The following OSBPL1A variants were observed in gnomAD, a reference collection of about 807,000 sequenced individuals.
OSBPL1A encodes oxysterol-binding protein-related protein 1.
OSBPL1A carries 80 observed loss-of-function variants against 137.1 expected under a neutral mutation model. That is an observed-to-expected ratio of 0.58 (90% CI 0.49 to 0.70). The LOEUF (loss-of-function observed/expected upper bound fraction) is 0.70. OSBPL1A is among the 30% of genes least tolerant of loss of function. OSBPL1A has a pLI of 0.00. For synonymous variants in OSBPL1A, 365 were observed against 389.7 expected (o/e 0.94, Z 0.75); for missense variants, 970 against 1,129.4 (o/e 0.86, Z 2.02).
intron 9 of OSBPL1A, 82 bp from the exon 10 acceptor site, chr18:24,317,482 A>C (rs1026818052): frequency 2.7e-6 from 3 of 1,104,146 alleles, no homozygotes; most frequent in Non-Finnish European, 4.2e-6. Context: ...TTAAGTGAGG[A>C]CAGTCATATT....
At chr18:24,245,027 T>C (rs2088839459) in intron 15 of OSBPL1A, among the ~76,000 whole-genome samples, 1 of 152,216 alleles carries the variant, frequency 6.6e-6, no homozygotes, top group Non-Finnish European at 1.5e-5. Context: ...GGATAAGCCT[T>C]ACTCTTTCCT....
At chr18:24,394,320 A>G (rs1032882609) in intron 1 of OSBPL1A, among the ~76,000 whole-genome samples, 7 of 152,226 alleles carry the variant, frequency 4.6e-5, no homozygotes, top group African/African-American at 1.7e-4. Flanking sequence ...TCGGTTGGAA[A>G]TTTTAATGTT....
At chr18:24,303,140 A>G (rs1227277022) in intron 14 of OSBPL1A, among the ~76,000 whole-genome samples, 2 of 152,128 alleles carry the variant, frequency 1.3e-5, no homozygotes, top group Non-Finnish European at 1.5e-5. Flanking sequence ...AGCTGGGATT[A>G]CAAGCACGTG....
At chr18:24,317,423 T>C in intron 9 of OSBPL1A, 23 bp from the exon 10 acceptor site, 3 of 1,578,282 alleles carry the variant, frequency 1.9e-6, no homozygotes, top group Non-Finnish European at 2.6e-6. Flanking sequence ...TAACAAAGAT[T>C]TCCCAAGCTG....
chr18:24,166,615 G>T lies in OSBPL1A; in HGVS notation c.2623C>A (p.Arg875=). 1 of 1,612,564 alleles carries T rather than the reference G, an allele frequency of 6.2e-7. No individual in the cohort carries two copies. Among genetic ancestry groups the T allele is most frequent in the Non-Finnish European group, 8.5e-7 (1 of 1,179,522 alleles). ...SVIPKTDCRL[R]PDIRAMENGE... is the part of the protein sequence containing the mutation. ...TTTTCCATGGCTCTGATGTCAGGCC[G>T]TAACCTGCAGTCTGTCTTGGGAATC... The change falls in exon 26 of 28, where the codon CGG becomes AGG. Residue 875 remains arginine (R), a synonymous_variant. Transcript: ENST00000319481.
Position 24,238,570 on chromosome 18 carries a change from T to C in OSBPL1A, c.1444+650A>G, listed in dbSNP as rs557329796. Among the ~76,000 whole-genome samples, 405 of 152,338 alleles carry C rather than the reference T, an allele frequency of 2.7e-3. 4 individuals carry two copies. The highest frequency in any genetic ancestry group is 9.5e-3 in the African/African-American group (393 of 41,566). Reference sequence around the variant, plus strand: ...TTAGTCATCACACGACCTATTGAAATGGACACTATAATTATCCCATTTTAA... The same window carrying C: ...TTAGTCATCACACGACCTATTGAAACGGACACTATAATTATCCCATTTTAA... On this transcript the variant is annotated intron_variant, in intron 16 of 27. Transcript: ENST00000319481.
At chr18:24,220,368 G>T (rs562350695) in intron 17 of OSBPL1A, among the ~76,000 whole-genome samples, 2 of 152,204 alleles carry the variant, frequency 1.3e-5, no homozygotes, top group South Asian at 4.1e-4. Context: ...GAAAGAGGTG[G>T]GCTTCACAGC....
At chr18:24,310,254 T>C (rs73394318) in intron 13 of OSBPL1A, among the ~76,000 whole-genome samples, 21,057 of 151,372 alleles carry the variant, frequency 0.14, 2,401 homozygotes, top group African/African-American at 0.31. Flanking sequence ...CTGAAAGATA[T>C]AGTCGAGGTT....
chr18:24,235,630 A>G (rs1380465721), intron 16 of OSBPL1A, among the ~76,000 whole-genome samples: 1 of 152,236 alleles, frequency 6.6e-6, no homozygotes, highest in Non-Finnish European at 1.5e-5. Flanking sequence ...AATGAGGCCA[A>G]TTCCAGGAGA....
intron 17 of OSBPL1A, among the ~76,000 whole-genome samples, chr18:24,215,059 C>T (rs2087651809): frequency 6.6e-6 from 1 of 152,172 alleles, no homozygotes; most frequent in South Asian, 2.1e-4. Context: ...TTTCTGGTTC[C>T]TTCCTGCTCT....
chr18:24,333,024 A>G lies in OSBPL1A; in HGVS notation c.543T>C (p.His181=). ...CSDQLGNTPL[H]CAAYRAHKQC... ...GTTTATGGGCCCGGTAAGCTGCACA[A>G]TGCAAGGGTGTATTTCCTAACTGAT... The change falls in exon 7 of 28, where the codon CAT becomes CAC. Residue 181 remains histidine, a synonymous_variant. Transcript: ENST00000319481. 1.2e-6 allele frequency: 2 copies of G among 1,614,216 alleles called. No individual in the cohort carries two copies. Among genetic ancestry groups the G allele is most frequent in the Non-Finnish European group, 1.7e-6 (2 of 1,180,022 alleles).
At chr18:24,298,758 G>A (rs1003743802) in intron 14 of OSBPL1A, among the ~76,000 whole-genome samples, 4 of 152,188 alleles carry the variant, frequency 2.6e-5, no homozygotes, top group Non-Finnish European at 4.4e-5. Flanking sequence ...TTGTTCCACA[G>A]TGTAGTTTAA....
intron 6 of OSBPL1A, 89 bp from the exon 7 acceptor site, chr18:24,333,175 G>A (rs1003888742): frequency 3.0e-5 from 42 of 1,417,250 alleles, no homozygotes; most frequent in South Asian, 3.9e-5. Flanking sequence ...AGCAGAGCCC[G>A]AAGAATAGCC....
At chr18:24,179,944 G>C in intron 19 of OSBPL1A, 109 bp from the exon 20 acceptor site, 1 of 827,222 alleles carries the variant, frequency 1.2e-6, no homozygotes, top group South Asian at 1.5e-5. Flanking sequence ...ATTTTGAGGA[G>C]TTTCATTACT....
intron 5 of OSBPL1A, among the ~76,000 whole-genome samples, chr18:24,338,775 A>T (rs553939957): frequency 7.2e-5 from 11 of 152,172 alleles, no homozygotes; most frequent in African/African-American, 2.6e-4. Context: ...CCACACTGGC[A>T]CAATCTCGGC....
At chr18:24,288,214 A>T (rs1277985064) in intron 14 of OSBPL1A, among the ~76,000 whole-genome samples, 2 of 152,240 alleles carry the variant, frequency 1.3e-5, no homozygotes, top group Non-Finnish European at 2.9e-5. Flanking sequence ...CATACCTTGG[A>T]AACAACATAC....
intron 7 of OSBPL1A, among the ~76,000 whole-genome samples, chr18:24,329,031 A>T (rs2091029973): frequency 6.6e-6 from 1 of 152,232 alleles, no homozygotes; most frequent in Non-Finnish European, 1.5e-5. Context: ...CAGCCAGTCA[A>T]GCAGGGGATC....
chr18:24,343,355 C>T (rs1026083154), intron 4 of OSBPL1A, among the ~76,000 whole-genome samples: 1 of 152,026 alleles, frequency 6.6e-6, no homozygotes, highest in Non-Finnish European at 1.5e-5. Context: ...AAACATCCAG[C>T]GATCATGGAT....
intron 18 of OSBPL1A, among the ~76,000 whole-genome samples, chr18:24,182,543 C>T (rs548946512): frequency 1.3e-5 from 2 of 152,262 alleles, no homozygotes; most frequent in African/African-American, 4.8e-5. Flanking sequence ...ATCCATATTC[C>T]CACTGAGATT....
Sources: allele counts gnomAD v4.1 joint callset (sites outside exome capture counted in the v4.1 genomes callset), GRCh38; gene constraint gnomAD v4.1.1; transcripts MANE v1.5; gene names NCBI Gene and HGNC (gene_info 2026-07-23, HGNC 2026-07-21).